Variants in KCNJ14 observed in about 807,000 individuals in gnomAD.
The protein encoded by KCNJ14 is ATP-sensitive inward rectifier potassium channel 14.
KCNJ14 carries 18 observed loss-of-function variants against 24.5 expected under a neutral mutation model. That is an observed-to-expected ratio of 0.74 (90% CI 0.51 to 1.09). The LOEUF (loss-of-function observed/expected upper bound fraction) is 1.09, where lower values mean the gene tolerates loss of function less well. KCNJ14 is among the 50% of genes least tolerant of loss of function. KCNJ14 has a pLI of 0.00. For missense variants in KCNJ14, 633 were observed against 623.0 expected, an observed-to-expected ratio of 1.02 and a Z score of -0.17; for synonymous variants, 288 against 270.8, an observed-to-expected ratio of 1.06 and a Z score of -0.63.
chr19:48,457,841 T>C (rs1336687391), intron 1 of KCNJ14, among the ~76,000 whole-genome samples: 1 of 151,964 alleles, frequency 6.6e-6, no homozygotes, highest in African/African-American at 2.4e-5. Flanking sequence ...GTAATCACCA[T>C]ACCCGGCTAA....
rs1971607219 is a variant in KCNJ14 at position 48,462,108 on chromosome 19, C to T, written c.384C>T (p.Phe128=). The change falls in exon 2 of 3, where the codon TTC becomes TTT. Residue 128 remains phenylalanine, a synonymous_variant. Coordinates refer to ENST00000342291, the MANE Select transcript of KCNJ14 (RefSeq NM_013348.4). The surrounding 1 kb of genome is among the most constrained non-coding windows in gnomAD (Gnocchi z 4.9). ...CCCCGCCACCGCCCGCGCCCTGCTT[C>T]TCACACGTGGCCAGCTTCCTGGCCG... ...LAAPPPPAPC[F]SHVASFLAAF... The T allele has an allele frequency of 6.2e-7, 1 of 1,601,060 alleles. No individual in the cohort carries two copies. Among genetic ancestry groups the T allele is most frequent in the South Asian group, 1.1e-5 (1 of 89,424 alleles).
At chr19:48,461,550 A>AAAAAAAAAAAAAAAT in intron 1 of KCNJ14, 120 bp from the exon 2 acceptor site, 2 of 349,960 alleles carry the variant, frequency 5.7e-6, no homozygotes, top group Non-Finnish European at 4.8e-6. Context: ...AAAAAAAAAA[A>AAAAAAAAAAAAAAAT]TGCGTATCGT....
At chr19:48,458,208 G>C (rs886844827) in intron 1 of KCNJ14, among the ~76,000 whole-genome samples, 1 of 152,116 alleles carries the variant, frequency 6.6e-6, no homozygotes, top group African/African-American at 2.4e-5. Flanking sequence ...ACATAAGTAG[G>C]AGTGCAATTG....
chr19:48,464,904 T>A lies in KCNJ14; in HGVS notation c.*127T>A. The stretch of plus-strand genomic sequence containing the variant: ...CCGACAGGCCTGCTGGGTAAATGAC[T>A]AGGTGGTAAGGTTCTGCCATGCCTG... On this transcript the variant is annotated 3_prime_UTR_variant, in exon 3 of 3. Transcript: ENST00000342291. 1.4e-6 allele frequency: 1 copy of A among 725,302 alleles called. No individual in the cohort carries two copies. The highest frequency in any genetic ancestry group is 2.3e-6 in the Non-Finnish European group (1 of 427,584). The allele number at this position is 725,302 out of a possible 1,614,324, so 44.9% of individuals were successfully genotyped here.
rs373426791 is a variant in KCNJ14, at chr19:48,464,175, C to G, written c.715-6C>G. On this transcript the variant is annotated splice_region_variant and splice_polypyrimidine_tract_variant and intron_variant, in intron 2 of 2. Coordinates refer to ENST00000342291, the MANE Select transcript of KCNJ14 (RefSeq NM_013348.4). The stretch of plus-strand genomic sequence containing the variant: ...GCTGTCTTTGGCTCCTCGCCTCCTG[C>G]TGCAGCCCCGTGTGACCCCAGAGGG... 12 of 1,608,874 alleles carry G rather than the reference C, an allele frequency of 7.5e-6. No homozygotes were observed. The African/African-American group carries it at 1.6e-4, about 21-fold the overall frequency.
At position 48,461,889 on chromosome 19, in the gene KCNJ14, A is replaced by C; in HGVS notation, c.165A>C (p.Lys55Asn). The change falls in exon 2 of 3, where the codon AAA becomes AAC. Residue 55 changes from lysine to asparagine, a missense_variant. Physicochemically the swap from Lys to Asn is moderately conservative, Grantham distance 94. Coordinates refer to ENST00000342291, the MANE Select transcript of KCNJ14 (RefSeq NM_013348.4). Reference sequence around the variant, plus strand: ...GGCGCCGCGGTCGCTTCGTCAAGAAAGACGGGCACTGCAACGTGCGTTTCG... The same window carrying C: ...GGCGCCGCGGTCGCTTCGTCAAGAACGACGGGCACTGCAACGTGCGTTTCG... Reference protein sequence around the residue: ...VGRRRGRFVKKDGHCNVRFVN... With the variant: ...VGRRRGRFVKNDGHCNVRFVN... 1.3e-6 allele frequency: 2 copies of C among 1,597,752 alleles called. No homozygotes were observed. The highest frequency in any genetic ancestry group is 1.7e-6 in the Non-Finnish European group (2 of 1,171,014).
rs1317184729 is a variant in KCNJ14, at chr19:48,464,554, C to T, written c.1088C>T (p.Ala363Val). The T allele has an allele frequency of 1.2e-6, 2 of 1,614,166 alleles. No individual in the cohort carries two copies. Among genetic ancestry groups the T allele is most frequent in the Non-Finnish European group, 1.7e-6 (2 of 1,180,024 alleles). Residue 363 changes from alanine to valine, a missense_variant, in exon 3 of 3, where the codon GCT (alanine) becomes GTT (valine). Ala to Val is a moderately conservative substitution (Grantham distance 64). Transcript: ENST00000342291. The stretch of plus-strand genomic sequence containing the variant: ...GTCCCAGGGACACCGGTCTGCAGTG[C>T]TAAGGAGCTGGATGAACGGGCAGAG... Reference protein sequence around the residue: ...YEVPGTPVCSAKELDERAEQA... With the variant: ...YEVPGTPVCSVKELDERAEQA...
chr19:48,463,779 T>C (rs566522146), intron 2 of KCNJ14, among the ~76,000 whole-genome samples: 1 of 152,366 alleles, frequency 6.6e-6, no homozygotes, highest in African/African-American at 2.4e-5. Context: ...CGCTTTGATT[T>C]CATCTCTGTC....
Position 48,461,963 on chromosome 19 carries a change from C to T in KCNJ14, c.239C>T (p.Thr80Ile). The T allele has an allele frequency of 6.2e-7, 1 of 1,613,156 alleles. No homozygotes were observed. Among genetic ancestry groups the T allele is most frequent in the South Asian group, 1.1e-5 (1 of 91,026 alleles). Residue 80 changes from threonine to isoleucine, a missense_variant, in exon 2 of 3, where the codon ACA becomes ATA. Thr to Ile is a moderately conservative substitution (Grantham distance 89, BLOSUM62 -1). Transcript: ENST00000342291. ...CGCTACCTGAGCGACCTGTTCACCA[C>T]ATGCGTGGACGTGCGCTGGCGCTGG... is the stretch of plus-strand genomic sequence containing the variant. ...GARYLSDLFT[T>I]CVDVRWRWMC... is the part of the protein sequence containing the mutation.
chr19:48,462,210 T>C lies in KCNJ14; in HGVS notation c.486T>C (p.Ala162=), dbSNP rs570825656. The C allele has an allele frequency of 6.4e-7, 1 of 1,553,794 alleles. No homozygotes were observed. Among genetic ancestry groups the C allele is most frequent in the Non-Finnish European group, 8.7e-7 (1 of 1,149,038 alleles). The change falls in exon 2 of 3, where the codon GCT becomes GCC. Residue 162 remains alanine (A), a synonymous_variant. Transcript: ENST00000342291. The surrounding 1 kb of genome is among the most constrained non-coding windows in gnomAD (Gnocchi z 4.9). ...VRSVTEECPA[A]VAAVVLQCIA... ...GCGTCACCGAGGAGTGCCCGGCCGC[T>C]GTGGCCGCCGTGGTGCTGCAGTGCA...
At position 48,464,517 on chromosome 19, in the gene KCNJ14, C is replaced by T. The variant is rs202102345; in HGVS notation, c.1051C>T (p.Arg351Cys). 214 of 1,614,156 alleles carry T rather than the reference C, an allele frequency of 1.3e-4. 1 individual carries two copies. Among genetic ancestry groups the T allele is most frequent in the Middle Eastern group, 1.2e-3 (7 of 6,062 alleles). ...QYEVDYRHFH[R>C]TYEVPGTPVC... ...TGAGGTCGACTATCGCCACTTCCAT[C>T]GCACTTATGAGGTCCCAGGGACACC... The change falls in exon 3 of 3, where the codon CGC becomes TGC. Residue 351 changes from arginine (R) to cysteine (C), a missense_variant. Transcript: ENST00000342291.
rs1971655656 is a variant in KCNJ14, at chr19:48,466,452, A to AT, written c.*1681dup. ...GTAATATAAATACAGATATCTATCTATTTTTTCCCTTGGTCCCTACAACAG... is the reference window on the plus strand; with the variant it reads ...GTAATATAAATACAGATATCTATCTATTTTTTTCCCTTGGTCCCTACAACAG... On this transcript the variant is annotated 3_prime_UTR_variant, in exon 3 of 3. Coordinates refer to ENST00000342291, the MANE Select transcript of KCNJ14 (RefSeq NM_013348.4). 1.3e-5 allele frequency: 2 copies of AT among 152,098 alleles called. No individual in the cohort carries two copies. The highest frequency in any genetic ancestry group is 4.2e-4 in the South Asian group (2 of 4,814). The allele number at this position is 152,098 out of a possible 1,614,324, so 9.4% of individuals were successfully genotyped here. A position where few individuals can be genotyped will look rare whatever the true frequency, so the allele number is the denominator to read the frequency against.
chr19:48,464,807 GC>G lies in KCNJ14; in HGVS notation c.*35del. The G allele has an allele frequency of 6.6e-7, 1 of 1,508,284 alleles. No individual in the cohort carries two copies. The highest frequency in any genetic ancestry group is 2.3e-5 in the East Asian group (1 of 44,182). 93.4% of individuals were successfully genotyped at this position (1,508,284 alleles called of 1,614,324 possible). A position where few individuals can be genotyped will look rare whatever the true frequency, so the allele number is the denominator to read the frequency against. ...AACTGATGTCCCCTTCCCCGTGTATGCCCCCTTCCCCAAGGTAGCAAGATGG... is the reference window on the plus strand; with the variant it reads ...AACTGATGTCCCCTTCCCCGTGTATGCCCCTTCCCCAAGGTAGCAAGATGG... On this transcript the variant is annotated 3_prime_UTR_variant, in exon 3 of 3. Transcript: ENST00000342291.
At chr19:48,461,393 T>C (rs1293787452) in intron 1 of KCNJ14, 2 of 233,576 alleles carry the variant, frequency 8.6e-6, no homozygotes, top group East Asian at 7.9e-5. Context: ...GGAGTGGTGG[T>C]GTGCACCTGT....
At chr19:48,460,199 G>A (rs1971579780) in intron 1 of KCNJ14, among the ~76,000 whole-genome samples, 1 of 152,056 alleles carries the variant, frequency 6.6e-6, no homozygotes, top group Admixed American at 6.5e-5. Flanking sequence ...TGGATGGCTA[G>A]CATTCAAATC....
At chr19:48,463,242 T>C (rs1029850331) in intron 2 of KCNJ14, among the ~76,000 whole-genome samples, 3 of 152,080 alleles carry the variant, frequency 2.0e-5, no homozygotes, top group African/African-American at 7.2e-5. Flanking sequence ...AAAGTGACTT[T>C]AGGACTCTGG....
At chr19:48,459,314 A>G (rs1971570024) in intron 1 of KCNJ14, among the ~76,000 whole-genome samples, 2 of 151,382 alleles carry the variant, frequency 1.3e-5, no homozygotes, top group African/African-American at 4.9e-5. Flanking sequence ...GGCTCTTTAT[A>G]TAGTCTAGAT....
rs750485384 is a variant in KCNJ14, at chr19:48,462,482, G to C, written c.714+44G>C. On this transcript the variant is annotated intron_variant, in intron 2 of 2. Coordinates refer to ENST00000342291, the MANE Select transcript of KCNJ14 (RefSeq NM_013348.4). The surrounding 1 kb of genome is among the most constrained non-coding windows in gnomAD (Gnocchi z 4.9). ...GCGGGGACTTCCGTGAGCCCTGGGGGATTGTGGGAGATGTAGGCCCGAGGG... is the reference window on the plus strand; with the variant it reads ...GCGGGGACTTCCGTGAGCCCTGGGGCATTGTGGGAGATGTAGGCCCGAGGG... 15 of 1,383,530 alleles carry C rather than the reference G, an allele frequency of 1.1e-5. No homozygotes were observed. The highest frequency in any genetic ancestry group is 2.8e-5 in the Admixed American group (1 of 36,326). 85.7% of individuals were successfully genotyped at this position (1,383,530 alleles called of 1,614,324 possible).
intron 1 of KCNJ14, among the ~76,000 whole-genome samples, chr19:48,459,084 C>CA (rs1009182492): frequency 2.0e-5 from 3 of 149,586 alleles, no homozygotes; most frequent in Non-Finnish European, 4.4e-5. Context: ...ACTAAAAATA[C>CA]AAAAAAAATT....
Sources: gnomAD v4.1 joint callset for allele counts (sites outside exome capture counted in the v4.1 genomes callset) on GRCh38, gnomAD v4.1.1 for gene constraint, Gnocchi (gnomAD v3.1) non-coding constraint, MANE v1.5 for transcripts, NCBI Gene and HGNC (gene_info 2026-07-23, HGNC 2026-07-21) for gene names.